Variants in ZNF730 observed in about 807,000 individuals in gnomAD.
The protein encoded by ZNF730 is zinc finger protein 730.
ZNF730 carries 12 observed loss-of-function variants against 12.6 expected under a neutral mutation model. The ratio of observed to expected loss-of-function variants is 0.95; its 90% CI spans 0.61 to 1.54. ZNF730 has a LOEUF of 1.54. Among genes scored for constraint, ZNF730 ranks in the 40% most tolerant of loss-of-function variants. The probability of loss-of-function intolerance (pLI) is 0.00; values close to 1 mark genes in which losing one functional copy is unlikely to be tolerated. For synonymous variants in ZNF730, 194 were observed against 195.8 expected (o/e 0.99, Z 0.08); for missense variants, 643 against 583.5 (o/e 1.10, Z -1.05).
In ZNF730 at chr19:23,126,860, C is replaced by T. The variant is rs911813560; in HGVS notation, c.4-7220C>T. The T allele has an allele frequency of 5.6e-6, 3 of 531,744 alleles. No individual in the cohort carries two copies. In the African/African-American group the frequency reaches 5.9e-5, roughly 10 times the overall value. 32.9% of individuals were successfully genotyped at this position (531,744 alleles called of 1,614,324 possible). ...TTTCATAATCCAGTAGTGACCTAGACCTTCAATACAGGAGATCCTTAGCAG... is the reference window on the plus strand; with the variant it reads ...TTTCATAATCCAGTAGTGACCTAGATCTTCAATACAGGAGATCCTTAGCAG... On this transcript the variant is annotated intron_variant, in intron 1 of 3. Transcript: ENST00000597761.
At chr19:23,098,927 C>T (rs2145522058) in intron 1 of ZNF730, among the ~76,000 whole-genome samples, 1 of 152,250 alleles carries the variant, frequency 6.6e-6, no homozygotes, top group African/African-American at 2.4e-5. Flanking sequence ...GGGGTAAAAT[C>T]CTGGGTCTCC....
At chr19:23,130,724 A>T (rs1361167772) in intron 1 of ZNF730, among the ~76,000 whole-genome samples, 1 of 151,264 alleles carries the variant, frequency 6.6e-6, no homozygotes, top group Admixed American at 6.6e-5. Flanking sequence ...CAGGGAAGTG[A>T]CTATAAAAGG....
At chr19:23,087,666 A>C (rs1000627945) in intron 1 of ZNF730, among the ~76,000 whole-genome samples, 1 of 140,818 alleles carries the variant, frequency 7.1e-6, no homozygotes, top group Admixed American at 7.6e-5. Flanking sequence ...CTCAGGCTGG[A>C]GTGCAATGGC....
intron 1 of ZNF730, among the ~76,000 whole-genome samples, chr19:23,086,644 G>C (rs1970067999): frequency 6.6e-6 from 1 of 151,258 alleles, no homozygotes; most frequent in Non-Finnish European, 1.5e-5. Context: ...CCATTGGTCT[G>C]TTTCTGTTCT....
chr19:23,124,435 C>G (rs1420116915), intron 1 of ZNF730, among the ~76,000 whole-genome samples: 1 of 152,204 alleles, frequency 6.6e-6, no homozygotes, highest in Admixed American at 6.5e-5. Flanking sequence ...GAGCTAGAAT[C>G]AGGACAGGTG....
chr19:23,114,543 G>A (rs1280059491), upstream of ZNF730, among the ~76,000 whole-genome samples: 2 of 150,304 alleles, frequency 1.3e-5, no homozygotes, highest in African/African-American at 4.9e-5. Context: ...TAGTAGAGAC[G>A]GAGTTTCACC....
At chr19:23,110,299 G>A (rs1599583893) in intron 1 of ZNF730, among the ~76,000 whole-genome samples, 1 of 127,508 alleles carries the variant, frequency 7.8e-6, no homozygotes, top group Non-Finnish European at 1.6e-5. Context: ...TTTTTAAGAC[G>A]GAGTTTCACT....
intron 1 of ZNF730, chr19:23,100,251 T>C (rs1970315585): frequency 6.6e-6 from 1 of 152,196 alleles, no homozygotes; most frequent in Non-Finnish European, 1.5e-5. Flanking sequence ...GTCACTCTTG[T>C]GCTTGCTGTC....
At chr19:23,077,151 C>T (rs913744249) in intron 1 of ZNF730, among the ~76,000 whole-genome samples, 8 of 152,046 alleles carry the variant, frequency 5.3e-5, no homozygotes, top group Non-Finnish European at 1.2e-4. Context: ...CACATGGACA[C>T]AGAGGGGAAC....
At chr19:23,097,023 A>G (rs534426041) in intron 1 of ZNF730, among the ~76,000 whole-genome samples, 1 of 152,246 alleles carries the variant, frequency 6.6e-6, no homozygotes, top group African/African-American at 2.4e-5. Context: ...ATTGAGTCCA[A>G]TGCCTATGGG....
intron 1 of ZNF730, among the ~76,000 whole-genome samples, chr19:23,128,960 A>G (rs1281011741): frequency 6.6e-6 from 1 of 152,178 alleles, no homozygotes; most frequent in African/African-American, 2.4e-5. Flanking sequence ...GGGCCAAGGT[A>G]GAGCTCAGGC....
chr19:23,106,846 A>G (rs1358429857), intron 1 of ZNF730, among the ~76,000 whole-genome samples: 1 of 152,142 alleles, frequency 6.6e-6, no homozygotes, highest in Non-Finnish European at 1.5e-5. Context: ...ATCACTTTGA[A>G]AAACAGTGTT....
intron 1 of ZNF730, among the ~76,000 whole-genome samples, chr19:23,092,045 G>A (rs554959713): frequency 1.1e-4 from 16 of 152,274 alleles, no homozygotes; most frequent in African/African-American, 3.8e-4. Flanking sequence ...GAATGTAATT[G>A]AATCATGAGG....
At chr19:23,085,700 G>A (rs1247050446) in intron 1 of ZNF730, among the ~76,000 whole-genome samples, 1 of 150,430 alleles carries the variant, frequency 6.6e-6, no homozygotes, top group Admixed American at 6.7e-5. Flanking sequence ...ATTTTTAGTA[G>A]AGATAGGGTT....
At chr19:23,140,893 A>T (rs928590728) in intron 3 of ZNF730, among the ~76,000 whole-genome samples, 2 of 152,056 alleles carry the variant, frequency 1.3e-5, no homozygotes, top group Non-Finnish European at 2.9e-5. Context: ...CAGAGGTTGC[A>T]GTGAGCCTAG....
rs1204448178 is a variant in ZNF730, at chr19:23,146,841, T to C, written c.*285T>C. On this transcript the variant is annotated 3_prime_UTR_variant, in exon 4 of 4. Transcript: ENST00000597761. Reference sequence around the variant, plus strand: ...AGAATGTGACAAAGCCTTTAACAAATCCTTAATTCTTAACAGACATGATTC... The same window carrying C: ...AGAATGTGACAAAGCCTTTAACAAACCCTTAATTCTTAACAGACATGATTC... 1.4e-5 allele frequency: 11 copies of C among 790,788 alleles called. No individual in the cohort carries two copies. The highest frequency in any genetic ancestry group is 2.4e-5 in the Non-Finnish European group (11 of 458,496). 49.0% of individuals were successfully genotyped at this position (790,788 alleles called of 1,614,324 possible). A position where few individuals can be genotyped will look rare whatever the true frequency, so the allele number is the denominator to read the frequency against.
Position 23,134,165 on chromosome 19 carries a change from G to A in ZNF730, c.89G>A (p.Arg30Lys), listed in dbSNP as rs992450137. The change falls in exon 2 of 4, where the codon AGA becomes AAA. Residue 30 changes from arginine (R) to lysine (K), a missense_variant. Coordinates refer to ENST00000597761, the MANE Select transcript of ZNF730 (RefSeq NM_001277403.2). ...CLDTEQQNLYRNVMLDNYRNL... is the reference protein window; with the variant it reads ...CLDTEQQNLYKNVMLDNYRNL... Reference sequence around the variant, plus strand: ...GACACCGAACAACAGAATTTATATAGAAATGTAATGTTAGATAACTACAGA... The same window carrying A: ...GACACCGAACAACAGAATTTATATAAAAATGTAATGTTAGATAACTACAGA... 1.9e-6 allele frequency: 3 copies of A among 1,612,266 alleles called. No homozygotes were observed. The highest frequency in any genetic ancestry group is 2.7e-5 in the African/African-American group (2 of 74,820).
intron 1 of ZNF730, chr19:23,128,056 T>C (rs1970692589): frequency 1.3e-6 from 1 of 764,798 alleles, no homozygotes; most frequent in African/African-American, 1.7e-5. Flanking sequence ...TGGCAATGAA[T>C]ACAATGTGGA....
At chr19:23,119,603 G>A (rs567832705) in intron 1 of ZNF730, among the ~76,000 whole-genome samples, 79 of 152,312 alleles carry the variant, frequency 5.2e-4, no homozygotes, top group South Asian at 6.2e-4. Flanking sequence ...TGGATCAGGA[G>A]GTCAAGAGAT....
Sources: gnomAD v4.1 joint callset for allele counts (sites outside exome capture counted in the v4.1 genomes callset) on GRCh38, gnomAD v4.1.1 for gene constraint, MANE v1.5 for transcripts, NCBI Gene and HGNC (gene_info 2026-07-23, HGNC 2026-07-21) for gene names.